The following TXNIP variants were observed in gnomAD, a reference collection of about 807,000 sequenced individuals.
TXNIP encodes thioredoxin interacting protein, also known as thioredoxin-interacting protein.
Under a neutral mutation model 43.9 loss-of-function variants are expected in TXNIP, and 23 were observed. That is an observed-to-expected ratio of 0.52 (90% CI 0.38 to 0.74). The LOEUF (loss-of-function observed/expected upper bound fraction) is 0.74. Ranked by LOEUF, TXNIP falls within the 30% of genes least tolerant of loss-of-function variation. TXNIP has a pLI of 0.00. For synonymous variants in TXNIP, 234 were observed against 172.2 expected (o/e 1.36, Z -2.81); for missense variants, 555 against 485.4 (o/e 1.14, Z -1.35).
At chr1:145,995,674 C>T in intron 1 of TXNIP, 198 bp from the exon 2 acceptor site, 1 of 636,910 alleles carries the variant, frequency 1.6e-6, no homozygotes. Context: ...AGTTGCCAAG[C>T]CCTGCAATAC....
rs782175516 is a variant in TXNIP, at chr1:145,996,183, A to C, written c.84T>G (p.Ala28=). The change falls in exon 1 of 8, where the codon GCT becomes GCG. Residue 28 remains alanine, a synonymous_variant. Transcript: ENST00000582401. ...CACACACCTCCACTATCACCCGGCC[A>C]GCCACCTTCTCGCCACTGCCGTACA... ...EKVYGSGEKV[A]GRVIVEVCEV... is the part of the protein sequence containing the mutation. 9 of 1,614,118 alleles carry C rather than the reference A, an allele frequency of 5.6e-6. No homozygotes were observed. Among genetic ancestry groups the C allele is most frequent in the Non-Finnish European group, 7.6e-6 (9 of 1,180,014 alleles).
chr1:145,995,974 T>A, intron 1 of TXNIP, 43 bp downstream of exon 1: 1 of 1,603,754 alleles, frequency 6.2e-7, no homozygotes. Context: ...AATTCTCTTC[T>A]CTAATCAGCT....
At position 145,996,310 on chromosome 1, in the gene TXNIP, GA is replaced by G. The variant is rs587651569; in HGVS notation, c.-45del. On this transcript the variant is annotated 5_prime_UTR_variant, in exon 1 of 8. Coordinates refer to ENST00000582401, the MANE Select transcript of TXNIP (RefSeq NM_006472.6). ...TTAAGAGTTAGAAATGACGGTGGAA[GA>G]AAAAAAAAGCTCCAAATCGAGGAAA... 31 of 1,547,228 alleles carry G rather than the reference GA, an allele frequency of 2.0e-5. No homozygotes were observed. Among genetic ancestry groups the G allele is most frequent in the South Asian group, 6.0e-5 (5 of 82,688 alleles).
intron 7 of TXNIP, 52 bp from the exon 8 acceptor site, chr1:145,993,938 C>T (rs1651313934): frequency 1.2e-6 from 2 of 1,613,884 alleles, no homozygotes; most frequent in East Asian, 4.5e-5. Flanking sequence ...AAAGAACAAA[C>T]CAGTTTAGCA....
At position 145,996,269 on chromosome 1, in the gene TXNIP, T is replaced by C. The variant is rs782561067; in HGVS notation, c.-3A>G. The C allele has an allele frequency of 4.3e-6, 7 of 1,612,442 alleles. No homozygotes were observed. In the Admixed American group the frequency reaches 1.2e-4, roughly 27 times the overall value. ...TTGATCTTCTTGAACATCACCATGA[T>C]GGAACTGAGTTGGTTTTAAGAGTTA... On this transcript the variant is annotated 5_prime_UTR_variant, in exon 1 of 8. Coordinates refer to ENST00000582401, the MANE Select transcript of TXNIP (RefSeq NM_006472.6).
chr1:145,995,617 C>G (rs1553766421), intron 1 of TXNIP, 141 bp from the exon 2 acceptor site: 5 of 788,658 alleles, frequency 6.3e-6, no homozygotes, highest in Non-Finnish European at 1.1e-5. Flanking sequence ...TTAATCCATC[C>G]CATATTGTTC....
chr1:145,996,158 C>A lies in TXNIP; in HGVS notation c.109G>T (p.Glu37Ter), dbSNP rs782315054. 1 of 1,614,112 alleles carries A rather than the reference C, an allele frequency of 6.2e-7. No homozygotes were observed. The highest frequency in any genetic ancestry group is 1.1e-5 in the South Asian group (1 of 91,076). ...CTAACGGCTTTGACACGAGTAACTT[C>A]ACACACCTCCACTATCACCCGGCCA... ...VAGRVIVEVC[E>*]VTRVKAVRIL... Residue 37 changes from glutamate to a stop codon, truncating the protein, a stop_gained, in exon 1 of 8, where the codon GAA (glutamate) becomes TAA (stop). Transcript: ENST00000582401. LOFTEE classifies it high-confidence loss of function.
rs139982558 is a variant in TXNIP at position 145,996,455 on chromosome 1, C to T, written c.-189G>A. On this transcript the variant is annotated 5_prime_UTR_variant, in exon 1 of 8. Coordinates refer to ENST00000582401, the MANE Select transcript of TXNIP (RefSeq NM_006472.6). ...TAACTACTAGGTTTTCGAAAAGGCG[C>T]CTAAAAAATATACGCCGCTGGTTAC... 97 of 630,230 alleles carry T rather than the reference C, an allele frequency of 1.5e-4. No individual in the cohort carries two copies. Among genetic ancestry groups the T allele is most frequent in the Admixed American group, 2.2e-4 (6 of 27,618 alleles). The allele number at this position is 630,230 out of a possible 1,614,324, so 39.0% of individuals were successfully genotyped here.
chr1:145,992,671 G>C lies in TXNIP; in HGVS notation c.*1180C>G, dbSNP rs1469822683. 1.3e-5 allele frequency: 2 copies of C among 152,940 alleles called. No individual in the cohort carries two copies. Among genetic ancestry groups the C allele is most frequent in the East Asian group, 3.8e-4 (2 of 5,294 alleles). The allele number at this position is 152,940 out of a possible 1,614,324, so 9.5% of individuals were successfully genotyped here. ...AGTGAACAAAGTGCTATGGCTGAGA[G>C]TGACTGACCAAGTGCTGGCAGCTGC... On this transcript the variant is annotated 3_prime_UTR_variant, in exon 8 of 8. Coordinates refer to ENST00000582401, the MANE Select transcript of TXNIP (RefSeq NM_006472.6).
chr1:145,993,863 G>T lies in TXNIP; in HGVS notation c.1164C>A (p.Asn388Lys), dbSNP rs782389648. The stretch of plus-strand genomic sequence containing the variant: ...TTCTTCCACATGCTCACTGCACATT[G>T]TTGTTGAGGATGCAGGGATCCACCT... Reference protein sequence around the residue: ...YTEVDPCILNNNVQ With the variant: ...YTEVDPCILNKNVQ Residue 388 changes from asparagine (N) to lysine (K), a missense_variant, in exon 8 of 8, where the codon AAC (asparagine) becomes AAA (lysine). Asn to Lys is a moderately conservative substitution (Grantham distance 94). Coordinates refer to ENST00000582401, the MANE Select transcript of TXNIP (RefSeq NM_006472.6). The T allele has an allele frequency of 1.9e-6, 3 of 1,614,146 alleles. No individual in the cohort carries two copies. The highest frequency in any genetic ancestry group is 1.3e-5 in the African/African-American group (1 of 75,028).
At chr1:145,995,608 T>G in intron 1 of TXNIP, 132 bp from the exon 2 acceptor site, 1 of 842,100 alleles carries the variant, frequency 1.2e-6, no homozygotes, top group Non-Finnish European at 2.0e-6. Context: ...ATATATTTTT[T>G]AATCCATCCC....
At chr1:145,994,905 C>G (rs1553766174) in intron 4 of TXNIP, 24 bp downstream of exon 4, 1 of 1,614,132 alleles carries the variant, frequency 6.2e-7, no homozygotes, top group Non-Finnish European at 8.5e-7. Context: ...CCTGTTTTAA[C>G]TGCCATAAGC....
chr1:145,994,936 G>A lies in TXNIP; in HGVS notation c.567C>T (p.Phe189=). The change falls in exon 4 of 8, where the codon TTC becomes TTT. Residue 189 remains phenylalanine, a synonymous_variant. Transcript: ENST00000582401. The stretch of plus-strand genomic sequence containing the variant: ...TAAGCACTAGGATTTTACCTTCACA[G>A]AATCCTTTTCTGTCAATTCGAGCAG... ...SVSARIDRKG[F]CEGDEISIHA... 1.2e-6 allele frequency: 2 copies of A among 1,614,138 alleles called. No individual in the cohort carries two copies. Among genetic ancestry groups the A allele is most frequent in the Non-Finnish European group, 1.7e-6 (2 of 1,180,024 alleles).
chr1:145,995,934 TAA>T, intron 1 of TXNIP, 81 bp downstream of exon 1: 2 of 1,535,494 alleles, frequency 1.3e-6, no homozygotes, highest in Non-Finnish European at 1.8e-6. Context: ...CTGAGCAACT[TAA>T]AACATTTCGT....
In TXNIP at chr1:145,995,357, G is replaced by A. The variant is rs782300094; in HGVS notation, c.323+47C>T. 7.5e-6 allele frequency: 12 copies of A among 1,609,508 alleles called. No individual in the cohort carries two copies. In the African/African-American group the frequency reaches 1.1e-4, roughly 14 times the overall value. ...ACAGTAAGTGATCAAAGGAGGGCAA[G>A]ATATTTTAGACAGAAAAGTTCAAAG... is the stretch of plus-strand genomic sequence containing the variant. On this transcript the variant is annotated intron_variant, in intron 2 of 7. Transcript: ENST00000582401.
rs1414230298 is a variant in TXNIP at position 145,996,279 on chromosome 1, T to C, written c.-13A>G. On this transcript the variant is annotated 5_prime_UTR_variant, in exon 1 of 8. Transcript: ENST00000582401. ...TGAACATCACCATGATGGAACTGAG[T>C]TGGTTTTAAGAGTTAGAAATGACGG... The C allele has an allele frequency of 3.7e-6, 6 of 1,611,572 alleles. No homozygotes were observed. The highest frequency in any genetic ancestry group is 5.1e-6 in the Non-Finnish European group (6 of 1,178,372).
At chr1:145,995,063 G>A (rs781943538) in intron 3 of TXNIP, 32 bp from the exon 4 acceptor site, 124 of 1,613,532 alleles carry the variant, frequency 7.7e-5, no homozygotes, top group Non-Finnish European at 1.0e-4. Context: ...GGTGTTTTGA[G>A]ATGCTTCAAT....
intron 3 of TXNIP, 40 bp from the exon 4 acceptor site, chr1:145,995,071 A>G (rs1651413031): frequency 2.5e-6 from 4 of 1,613,478 alleles, no homozygotes; most frequent in Non-Finnish European, 3.4e-6. Flanking sequence ...GAGATGCTTC[A>G]ATCTAATGCC....
rs1191461016 is a variant in TXNIP at position 145,992,472 on chromosome 1, T to A, written c.*1379A>T. ...TTAAAAAAACTTTATTTTCATTTTT[T>A]ACAAAGAATATCCCCATCTGGGGTA... On this transcript the variant is annotated 3_prime_UTR_variant, in exon 8 of 8. Transcript: ENST00000582401. 6.6e-6 allele frequency: 1 copy of A among 152,640 alleles called. No homozygotes were observed. Among genetic ancestry groups the A allele is most frequent in the Non-Finnish European group, 1.5e-5 (1 of 68,036 alleles). 9.5% of individuals were successfully genotyped at this position (152,640 alleles called of 1,614,324 possible). A position where few individuals can be genotyped will look rare whatever the true frequency, so the allele number is the denominator to read the frequency against.
Sources: allele counts gnomAD v4.1 joint callset, GRCh38; gene constraint gnomAD v4.1.1; transcripts MANE v1.5; gene names NCBI Gene and HGNC (gene_info 2026-07-23, HGNC 2026-07-21).